CHCHD6: variants seen among roughly 807,000 people sequenced by gnomAD.
CHCHD6 encodes coiled-coil-helix-coiled-coil-helix domain containing 6.
In CHCHD6, 28 loss-of-function variants were observed where a neutral mutation model predicts 32.3. The ratio of observed to expected loss-of-function variants is 0.87; its 90% CI spans 0.64 to 1.19. CHCHD6 has a LOEUF of 1.19. Ranked by LOEUF, CHCHD6 falls within the 50% of genes most tolerant of loss-of-function variation. CHCHD6 has a pLI of 0.00. For synonymous variants in CHCHD6, 122 were observed against 117.5 expected, an observed-to-expected ratio of 1.04 and a Z score of -0.25; for missense variants, 333 against 307.0, an observed-to-expected ratio of 1.08 and a Z score of -0.63.
intron 4 of CHCHD6, among the ~76,000 whole-genome samples, chr3:126,827,848 G>A (rs1940464474): frequency 6.6e-6 from 1 of 152,136 alleles, no homozygotes; most frequent in African/African-American, 2.4e-5. Flanking sequence ...AAGCCAGAGA[G>A]TTTGTTCTCT....
intron 5 of CHCHD6, among the ~76,000 whole-genome samples, chr3:126,874,823 A>G (rs1403950737): frequency 1.3e-5 from 2 of 152,042 alleles, no homozygotes; most frequent in Non-Finnish European, 2.9e-5. Context: ...GATGGTCCCC[A>G]TCCTTATGGT....
chr3:126,849,914 G>A (rs565245378), intron 4 of CHCHD6, among the ~76,000 whole-genome samples: 54 of 152,314 alleles, frequency 3.5e-4, no homozygotes, highest in Non-Finnish European at 6.9e-4. Flanking sequence ...CGTGCTGCGT[G>A]GCCTCTCATG....
intron 4 of CHCHD6, among the ~76,000 whole-genome samples, chr3:126,835,537 G>C (rs541452311): frequency 1.3e-5 from 2 of 152,152 alleles, no homozygotes; most frequent in East Asian, 3.9e-4. Flanking sequence ...GGCCGGCTCT[G>C]CTCAGTTCAT....
At chr3:126,764,224 T>TATATATAA (rs1491585281) in intron 4 of CHCHD6, among the ~76,000 whole-genome samples, 3 of 144,014 alleles carry the variant, frequency 2.1e-5, no homozygotes, top group East Asian at 2.1e-4. Flanking sequence ...TATATATATA[T>TATATATAA]AAATATATGA....
intron 6 of CHCHD6, among the ~76,000 whole-genome samples, chr3:126,929,700 G>A (rs1240781329): frequency 6.6e-6 from 1 of 151,900 alleles, no homozygotes. Flanking sequence ...TGAGTAGCAG[G>A]GATTACAGGC....
intron 5 of CHCHD6, among the ~76,000 whole-genome samples, chr3:126,865,202 T>TTCC (rs375615641): frequency 0.012 from 1,258 of 103,692 alleles, 29 homozygotes; most frequent in African/African-American, 0.043. Flanking sequence ...CCTCCACTTC[T>TTCC]TCCTCCTCCT....
intron 6 of CHCHD6, among the ~76,000 whole-genome samples, chr3:126,918,648 A>G (rs2078203350): frequency 6.6e-6 from 1 of 152,240 alleles, no homozygotes; most frequent in Non-Finnish European, 1.5e-5. Flanking sequence ...ACAAGAAGCA[A>G]TTTAACTTAT....
chr3:126,907,255 T>G (rs1347050565), intron 5 of CHCHD6, among the ~76,000 whole-genome samples: 1 of 152,066 alleles, frequency 6.6e-6, no homozygotes, highest in Non-Finnish European at 1.5e-5. Context: ...GCACACTTGT[T>G]TGGGGTAAGT....
intron 4 of CHCHD6, among the ~76,000 whole-genome samples, chr3:126,783,356 C>T (rs186840473): frequency 4.2e-4 from 64 of 152,316 alleles, no homozygotes; most frequent in Admixed American, 1.9e-3. Context: ...TTATACTGAA[C>T]AGTGAAAGAC....
chr3:126,818,600 T>A (rs1940012786), intron 4 of CHCHD6, among the ~76,000 whole-genome samples: 1 of 152,230 alleles, frequency 6.6e-6, no homozygotes, highest in Non-Finnish European at 1.5e-5. Flanking sequence ...GCCTTCACAT[T>A]TCTCCAGTTA....
intron 4 of CHCHD6, among the ~76,000 whole-genome samples, chr3:126,813,196 G>A (rs1350739433): frequency 6.6e-6 from 1 of 152,134 alleles, no homozygotes; most frequent in Non-Finnish European, 1.5e-5. Flanking sequence ...TCGGCCACAG[G>A]ACCTTGGGCA....
intron 4 of CHCHD6, chr3:126,767,523 C>G (rs1440838669): frequency 2.0e-6 from 1 of 490,812 alleles, no homozygotes; most frequent in Non-Finnish European, 3.8e-6. Context: ...CTGTCCAGAC[C>G]ATGATTTTCC....
At chr3:126,736,698 G>A (rs190433012) in intron 4 of CHCHD6, among the ~76,000 whole-genome samples, 129 of 152,292 alleles carry the variant, frequency 8.5e-4, no homozygotes, top group African/African-American at 2.8e-3. Context: ...TGTTCTGTGC[G>A]TGTCAATGTG....
chr3:126,729,999 A>G (rs1440449849), intron 2 of CHCHD6, among the ~76,000 whole-genome samples: 1 of 152,178 alleles, frequency 6.6e-6, no homozygotes, highest in East Asian at 1.9e-4. Context: ...CGTGATGATC[A>G]AAAGGGACCT....
At chr3:126,957,108 C>T (rs2078796734) in intron 6 of CHCHD6, 4 of 439,554 alleles carry the variant, frequency 9.1e-6, no homozygotes, top group African/African-American at 2.0e-5. Flanking sequence ...TCCAGTGGGG[C>T]TTTCCTGTCT....
At chr3:126,809,959 G>C (rs961337047) in intron 4 of CHCHD6, among the ~76,000 whole-genome samples, 2 of 152,156 alleles carry the variant, frequency 1.3e-5, no homozygotes, top group African/African-American at 4.8e-5. Flanking sequence ...AAGTTAGTAT[G>C]AGTTTATTTT....
intron 6 of CHCHD6, 63 bp downstream of exon 6, chr3:126,914,813 G>T (rs1248762862): frequency 3.3e-6 from 3 of 911,868 alleles, no homozygotes; most frequent in East Asian, 2.4e-5. Context: ...CCCACATGTG[G>T]CTTGAAACCT....
At chr3:126,886,275 G>A (rs2077678441) in intron 5 of CHCHD6, among the ~76,000 whole-genome samples, 1 of 152,156 alleles carries the variant, frequency 6.6e-6, no homozygotes, top group Non-Finnish European at 1.5e-5. Context: ...TTACCTATAG[G>A]CAACCTCAGT....
chr3:126,804,179 C>G (rs1183300922), intron 4 of CHCHD6, among the ~76,000 whole-genome samples: 1 of 152,018 alleles, frequency 6.6e-6, no homozygotes, highest in Non-Finnish European at 1.5e-5. Flanking sequence ...CAAACACATT[C>G]AAAAGCTAGC....
Sources: allele counts gnomAD v4.1 joint callset (sites outside exome capture counted in the v4.1 genomes callset), GRCh38; gene constraint gnomAD v4.1.1; transcripts MANE v1.5; gene names NCBI Gene and HGNC (gene_info 2026-07-23, HGNC 2026-07-21).